The following STK32B variants were observed in gnomAD, a reference collection of about 807,000 sequenced individuals.
STK32B encodes serine/threonine kinase 32B, also known as serine/threonine-protein kinase 32B.
In STK32B, 43 loss-of-function variants were observed where a neutral mutation model predicts 52.6. The observed-to-expected ratio is 0.82, with a 90% CI of 0.64 to 1.05. The LOEUF (loss-of-function observed/expected upper bound fraction) is 1.05. Ranked by LOEUF, STK32B falls within the 50% of genes least tolerant of loss-of-function variation. The pLI, the probability that STK32B is intolerant of heterozygous loss-of-function variation, is 0.00. For missense variants in STK32B, 621 were observed against 534.6 expected, an observed-to-expected ratio of 1.16 and a Z score of -1.59; for synonymous variants, 238 against 204.3, an observed-to-expected ratio of 1.17 and a Z score of -1.41.
At chr4:5,196,334 G>GTTTTTTTTTTTTTTT (rs35605834) in intron 3 of STK32B, among the ~76,000 whole-genome samples, 3 of 87,714 alleles carry the variant, frequency 3.4e-5, no homozygotes, top group African/African-American at 1.0e-4. Flanking sequence ...TCTTTCTTCA[G>GTTTTTTTTTTTTTTT]TTTTTTTTTT....
At chr4:5,138,704 G>A (rs990745077) in intron 1 of STK32B, among the ~76,000 whole-genome samples, 7 of 152,196 alleles carry the variant, frequency 4.6e-5, no homozygotes, top group Admixed American at 2.6e-4. Flanking sequence ...TACACAAAGC[G>A]ATGTATTTTG....
chr4:5,249,168 T>C (rs967954), intron 3 of STK32B, among the ~76,000 whole-genome samples: 1 of 152,232 alleles, frequency 6.6e-6, no homozygotes, highest in Non-Finnish European at 1.5e-5. Context: ...CTGTTGCTGC[T>C]ACAGGCAAGC....
intron 1 of STK32B, among the ~76,000 whole-genome samples, chr4:5,062,856 G>A (rs1444778330): frequency 6.6e-6 from 1 of 152,122 alleles, no homozygotes; most frequent in Non-Finnish European, 1.5e-5. Context: ...TGTTTTATGT[G>A]TTTTTGTATA....
At chr4:5,021,495 C>G in the STK32B span, among the ~76,000 whole-genome samples, 1 of 152,186 alleles carries the variant, frequency 6.6e-6, no homozygotes, top group Non-Finnish European at 1.5e-5. Context: ...CTGGCCCCAG[C>G]TGGGGACTCT....
intron 1 of STK32B, among the ~76,000 whole-genome samples, chr4:5,078,732 T>C (rs1425328934): frequency 6.6e-6 from 1 of 152,170 alleles, no homozygotes; most frequent in Admixed American, 6.5e-5. Context: ...AGAGTTTCCC[T>C]GCCTGGCCTT....
intron 2 of STK32B, among the ~76,000 whole-genome samples, chr4:5,142,629 A>G (rs971724664): frequency 6.6e-6 from 1 of 152,220 alleles, no homozygotes; most frequent in African/African-American, 2.4e-5. Flanking sequence ...GCTCCATTAG[A>G]CACTGTTTTC....
At chr4:5,090,928 A>G (rs1231399061) in intron 1 of STK32B, among the ~76,000 whole-genome samples, 1 of 152,246 alleles carries the variant, frequency 6.6e-6, no homozygotes, top group Non-Finnish European at 1.5e-5. Context: ...ATTTAAGGAC[A>G]AATAGAAAAT....
chr4:5,244,107 G>A (rs1456191331), intron 3 of STK32B, among the ~76,000 whole-genome samples: 2 of 152,142 alleles, frequency 1.3e-5, no homozygotes, highest in African/African-American at 2.4e-5. Flanking sequence ...ATGAGTTAGG[G>A]AGGATTCTGT....
chr4:5,230,177 C>CT (rs1724153940), intron 3 of STK32B, among the ~76,000 whole-genome samples: 1 of 98,484 alleles, frequency 1.0e-5, no homozygotes, highest in Non-Finnish European at 1.9e-5. Context: ...GCATGCATTC[C>CT]CTTTTTTTTT....
At chr4:5,338,626 A>G (rs1298077566) in intron 4 of STK32B, among the ~76,000 whole-genome samples, 7 of 152,234 alleles carry the variant, frequency 4.6e-5, no homozygotes, top group African/African-American at 1.7e-4. Context: ...GAGCTGAGCC[A>G]GGGATGAACA....
intron 5 of STK32B, among the ~76,000 whole-genome samples, chr4:5,406,209 A>C (rs1737652918): frequency 6.6e-6 from 1 of 152,192 alleles, no homozygotes; most frequent in African/African-American, 2.4e-5. Context: ...CATATCTCAC[A>C]TCCAGGCCAC....
At position 5,432,101 on chromosome 4, in the gene STK32B, A is replaced by G. The variant is rs76734890; in HGVS notation, c.563-14572A>G. On this transcript the variant is annotated intron_variant, in intron 6 of 11. Transcript: ENST00000282908. ...TACTTTGTGTCAATCTCTGAAGTAAATGCGTCAATAAGTTGTCTCATTATG... is the reference window on the plus strand; with the variant it reads ...TACTTTGTGTCAATCTCTGAAGTAAGTGCGTCAATAAGTTGTCTCATTATG... 4.3e-3 allele frequency among the ~76,000 whole-genome samples: 658 copies of G among 152,342 alleles called. 5 individuals carry two copies. Among genetic ancestry groups the G allele is most frequent in the African/African-American group, 0.015 (613 of 41,578 alleles).
intron 1 of STK32B, among the ~76,000 whole-genome samples, chr4:5,115,577 C>A (rs1714668512): frequency 6.6e-6 from 1 of 151,562 alleles, no homozygotes; most frequent in Admixed American, 6.6e-5. Flanking sequence ...TCCTTGAGGG[C>A]AACTGGAGAA....
At chr4:5,385,307 G>A (rs1355864957) in intron 4 of STK32B, among the ~76,000 whole-genome samples, 1 of 152,048 alleles carries the variant, frequency 6.6e-6, no homozygotes, top group Non-Finnish European at 1.5e-5. Flanking sequence ...GGCAGGTGAG[G>A]GAAGAAGTCA....
At chr4:5,142,021 G>A (rs976023737) in intron 2 of STK32B, among the ~76,000 whole-genome samples, 2 of 152,134 alleles carry the variant, frequency 1.3e-5, no homozygotes, top group Admixed American at 6.5e-5. Flanking sequence ...GCTTCCTACT[G>A]AGGGAAGCAT....
At chr4:5,172,255 C>T (rs796861078) in intron 3 of STK32B, among the ~76,000 whole-genome samples, 1 of 152,134 alleles carries the variant, frequency 6.6e-6, no homozygotes, top group Non-Finnish European at 1.5e-5. Flanking sequence ...CGTCTGCAAA[C>T]AGGGACAATT....
intron 3 of STK32B, among the ~76,000 whole-genome samples, chr4:5,169,117 G>T (rs1448245106): frequency 6.6e-6 from 1 of 152,282 alleles, no homozygotes; most frequent in South Asian, 2.1e-4. Context: ...AAACCCTTAG[G>T]TCAAGAGCCC....
rs1234020150 is a variant in STK32B, at chr4:5,469,750, C to T, written c.1106+1680C>T. On this transcript the variant is annotated intron_variant, in intron 11 of 11. Transcript: ENST00000282908. The surrounding 1 kb of genome is among the most constrained non-coding windows in gnomAD (Gnocchi z 4.7). Reference sequence around the variant, plus strand: ...AGGACCACATGTTGGGGTCTCCCAGCTCTGGCCAACAACACAGGAAGGGCC... The same window carrying T: ...AGGACCACATGTTGGGGTCTCCCAGTTCTGGCCAACAACACAGGAAGGGCC... 6.6e-6 allele frequency among the ~76,000 whole-genome samples: 1 copy of T among 152,206 alleles called. No homozygotes were observed. Among genetic ancestry groups the T allele is most frequent in the Non-Finnish European group, 1.5e-5 (1 of 68,034 alleles).
chr4:5,407,648 T>G (rs373579277), intron 5 of STK32B, among the ~76,000 whole-genome samples: 4 of 150,614 alleles, frequency 2.7e-5, no homozygotes, highest in East Asian at 2.0e-4. Context: ...ATGGCAGGAG[T>G]TTGGGGGGTG....
Sources: allele counts gnomAD v4.1 joint callset (sites outside exome capture counted in the v4.1 genomes callset), GRCh38; gene constraint gnomAD v4.1.1; non-coding constraint Gnocchi (gnomAD v3.1); transcripts MANE v1.5; gene names NCBI Gene and HGNC (gene_info 2026-07-23, HGNC 2026-07-21).